The following TRHDE variants were observed in gnomAD, a reference collection of about 807,000 sequenced individuals.
TRHDE encodes the protein thyrotropin-releasing hormone-degrading ectoenzyme.
Under a neutral mutation model 125.7 loss-of-function variants are expected in TRHDE, and 72 were observed. That is an observed-to-expected ratio of 0.57 (90% CI 0.47 to 0.70). The LOEUF (loss-of-function observed/expected upper bound fraction) is 0.70. Among genes scored for constraint, TRHDE ranks in the 30% least tolerant of loss-of-function variants. The pLI is 0.00. For missense variants in TRHDE, 1,110 were observed against 1,327.1 expected, an observed-to-expected ratio of 0.84 and a Z score of 2.54; for synonymous variants, 509 against 509.1, an observed-to-expected ratio of 1.00 and a Z score of 0.00.
At chr12:72,322,683 G>A (rs1869151078) in intron 2 of TRHDE, among the ~76,000 whole-genome samples, 1 of 152,074 alleles carries the variant, frequency 6.6e-6, no homozygotes, top group Non-Finnish European at 1.5e-5. Context: ...ATGGTACCAG[G>A]TGTTTTATGA....
At chr12:72,387,112 C>A (rs1872454195) in intron 3 of TRHDE, among the ~76,000 whole-genome samples, 1 of 152,174 alleles carries the variant, frequency 6.6e-6, no homozygotes, top group Non-Finnish European at 1.5e-5. Flanking sequence ...GGTTCTTTCT[C>A]CTTAACTCCA....
At chr12:72,112,348 G>A (rs1406254947) in intron 2 of TRHDE, among the ~76,000 whole-genome samples, 1 of 152,116 alleles carries the variant, frequency 6.6e-6, no homozygotes, top group East Asian at 1.9e-4. Flanking sequence ...TGCTGTCTAG[G>A]TTTTAGAAGC....
intron 15 of TRHDE, among the ~76,000 whole-genome samples, chr12:72,636,556 G>A (rs1873761841): frequency 1.3e-5 from 2 of 151,378 alleles, no homozygotes; most frequent in South Asian, 2.1e-4. Context: ...TAGGAGTGGT[G>A]AGAGAGGGCA....
At chr12:72,402,768 T>C (rs963576837) in intron 3 of TRHDE, among the ~76,000 whole-genome samples, 4 of 152,194 alleles carry the variant, frequency 2.6e-5, no homozygotes, top group Non-Finnish European at 5.9e-5. Context: ...AATAGCCTCA[T>C]TGATTTTTTT....
intron 15 of TRHDE, among the ~76,000 whole-genome samples, chr12:72,643,484 T>C (rs1266580654): frequency 6.6e-6 from 1 of 152,218 alleles, no homozygotes; most frequent in African/African-American, 2.4e-5. Flanking sequence ...GATACAAATA[T>C]AGAACCTGCC....
Position 72,656,968 on chromosome 12 carries a change from G to C in TRHDE, c.3026G>C (p.Gly1009Ala). The change falls in exon 18 of 19, where the codon GGT (glycine) becomes GCT (alanine). Residue 1009 changes from glycine to alanine, a missense_variant. By Grantham distance (60) the Gly-to-Ala change is moderately conservative. Around this residue, in one of 5 missense-constraint regions of TRHDE, gnomAD observed 527 missense variants for 651.8 expected, o/e 0.81. Coordinates refer to ENST00000261180, the MANE Select transcript of TRHDE (RefSeq NM_013381.3). ...TTTATGAATTCCAAACTCATCAGTGGTGTCACAGAATTTCTTAATACTGAA... is the reference window on the plus strand; with the variant it reads ...TTTATGAATTCCAAACTCATCAGTGCTGTCACAGAATTTCTTAATACTGAA... ...ALFMNSKLIS[G>A]VTEFLNTEGE... 1 of 1,611,072 alleles carries C rather than the reference G, an allele frequency of 6.2e-7. No homozygotes were observed. Among genetic ancestry groups the C allele is most frequent in the East Asian group, 2.2e-5 (1 of 44,786 alleles).
At position 72,665,589 on chromosome 12, in the gene TRHDE, A is replaced by G. The variant is rs1187299922; in HGVS notation, c.*2394A>G. ...TTTCAAAAGAATAAAATAACCAATG[A>G]TATCTCTTGGAATAATCTGTAAAAC... On this transcript the variant is annotated 3_prime_UTR_variant, in exon 19 of 19. Transcript: ENST00000261180. The G allele has an allele frequency of 6.6e-6, 1 of 152,118 alleles. No individual in the cohort carries two copies. Among genetic ancestry groups the G allele is most frequent in the Non-Finnish European group, 1.5e-5 (1 of 67,970 alleles). 9.4% of individuals were successfully genotyped at this position (152,118 alleles called of 1,614,324 possible).
intron 1 of TRHDE, among the ~76,000 whole-genome samples, chr12:72,098,061 T>C (rs2139287085): frequency 6.6e-6 from 1 of 152,182 alleles, no homozygotes; most frequent in Non-Finnish European, 1.5e-5. Flanking sequence ...ATTTTTTATT[T>C]TTATAGAGAT....
At chr12:72,093,595 A>G (rs1407349113) in intron 1 of TRHDE, among the ~76,000 whole-genome samples, 1 of 151,978 alleles carries the variant, frequency 6.6e-6, no homozygotes, top group Non-Finnish European at 1.5e-5. Context: ...CTTCAGATCA[A>G]TTCTGCTATT....
chr12:72,499,168 C>T (rs557103035), intron 5 of TRHDE, among the ~76,000 whole-genome samples: 1 of 152,258 alleles, frequency 6.6e-6, no homozygotes, highest in South Asian at 2.1e-4. Context: ...GTAAAATGCA[C>T]AAATAAGTCT....
At chr12:72,110,034 G>A (rs1004222064) in intron 2 of TRHDE, among the ~76,000 whole-genome samples, 1 of 152,010 alleles carries the variant, frequency 6.6e-6, no homozygotes, top group African/African-American at 2.4e-5. Context: ...AAATGCTTCT[G>A]GGAAAGCCAT....
chr12:72,305,679 A>C (rs1052020569), intron 2 of TRHDE, among the ~76,000 whole-genome samples: 5 of 152,206 alleles, frequency 3.3e-5, no homozygotes, highest in Admixed American at 1.3e-4. Context: ...TGGTTGGGCA[A>C]TCCCAAGCCG....
intron 3 of TRHDE, among the ~76,000 whole-genome samples, chr12:72,433,076 C>G (rs925899251): frequency 3.3e-5 from 5 of 151,842 alleles, no homozygotes; most frequent in African/African-American, 1.2e-4. Flanking sequence ...TGAGTTTTGC[C>G]CTTTATTTAT....
intron 6 of TRHDE, among the ~76,000 whole-genome samples, chr12:72,517,401 A>G (rs1232486716): frequency 6.6e-6 from 1 of 151,992 alleles, no homozygotes; most frequent in Non-Finnish European, 1.5e-5. Flanking sequence ...GAATTTATCC[A>G]TTTCTTCTAG....
At chr12:72,272,197 C>T, upstream of TRHDE, 2 of 446,102 alleles carry the variant, frequency 4.5e-6, no homozygotes, top group Non-Finnish European at 9.0e-6. The surrounding 1 kb of genome is among the most constrained non-coding windows in gnomAD (Gnocchi z 6.7). Context: ...GCCCTAACTT[C>T]CCTCTCTACA....
At chr12:72,232,767 A>G (rs2139375135) in intron 2 of TRHDE, among the ~76,000 whole-genome samples, 1 of 151,942 alleles carries the variant, frequency 6.6e-6, no homozygotes, top group Non-Finnish European at 1.5e-5. Flanking sequence ...TATTTCCTTT[A>G]TGTCTTTTTC....
intron 2 of TRHDE, among the ~76,000 whole-genome samples, chr12:72,201,409 G>T (rs1877557007): frequency 6.6e-6 from 1 of 152,144 alleles, no homozygotes; most frequent in South Asian, 2.1e-4. Flanking sequence ...CTAAGATTTT[G>T]AAGTTTGGTT....
chr12:72,131,098 G>C (rs1229975945), intron 2 of TRHDE, among the ~76,000 whole-genome samples: 2 of 123,560 alleles, frequency 1.6e-5, no homozygotes, highest in African/African-American at 6.2e-5. Flanking sequence ...TTGAGACAGA[G>C]TCTTCCTCTG....
chr12:72,271,950 A>G (rs1226334221), upstream of TRHDE: 5 of 456,656 alleles, frequency 1.1e-5, no homozygotes, highest in Non-Finnish European at 2.2e-5. Context: ...ACCGCCGCTT[A>G]AAGTGCCCAG....
Sources: gnomAD v4.1 joint callset for allele counts (sites outside exome capture counted in the v4.1 genomes callset) on GRCh38, gnomAD v4.1.1 for gene constraint, gnomAD v4.1.1 regional missense constraint, Gnocchi (gnomAD v3.1) non-coding constraint, MANE v1.5 for transcripts, NCBI Gene and HGNC (gene_info 2026-07-23, HGNC 2026-07-21) for gene names.